ACCSL: variants seen among roughly 807,000 people sequenced by gnomAD.
The protein encoded by ACCSL is probable inactive 1-aminocyclopropane-1-carboxylate synthase-like protein 2.
A neutral mutation model predicts 61.7 loss-of-function variants in ACCSL; 55 were observed. The observed-to-expected ratio is 0.89, with a 90% CI of 0.72 to 1.12. ACCSL has a LOEUF of 1.12. Ranked by LOEUF, ACCSL falls within the 50% of genes most tolerant of loss-of-function variation. ACCSL has a pLI of 0.00. For synonymous variants in ACCSL, 258 were observed against 264.3 expected, an observed-to-expected ratio of 0.98 and a Z score of 0.23; for missense variants, 632 against 698.0, an observed-to-expected ratio of 0.91 and a Z score of 1.07.
the ACCSL span, among the ~76,000 whole-genome samples, chr11:44,007,988 G>C: frequency 6.6e-6 from 1 of 152,076 alleles, no homozygotes; most frequent in East Asian, 1.9e-4. Context: ...GAGGGTTCTT[G>C]CTTTAGACAG....
the ACCSL span, chr11:43,943,963 G>A: frequency 3.9e-5 from 34 of 874,020 alleles, no homozygotes; most frequent in Non-Finnish European, 4.9e-5. The surrounding 1 kb of genome is among the most constrained non-coding windows in gnomAD (Gnocchi z 4.8). Context: ...AGGTGGCAGG[G>A]GGATGTCGGA....
chr11:43,923,492 A>G, the ACCSL span, among the ~76,000 whole-genome samples: 1 of 152,192 alleles, frequency 6.6e-6, no homozygotes, highest in Admixed American at 6.5e-5. Context: ...CCTGGTCTAC[A>G]ACTGCCCTCT....
At chr11:44,057,444 C>T (rs1952678277) in intron 11 of ACCSL, among the ~76,000 whole-genome samples, 2 of 152,172 alleles carry the variant, frequency 1.3e-5, no homozygotes, top group African/African-American at 4.8e-5. Flanking sequence ...GATCCCAGCC[C>T]CTTGAACGCT....
chr11:43,947,390 C>A, the ACCSL span, among the ~76,000 whole-genome samples: 1 of 152,332 alleles, frequency 6.6e-6, no homozygotes, highest in East Asian at 1.9e-4. Context: ...TCCTACCAGG[C>A]CCCTATGCAA....
chr11:44,058,355 C>A lies in ACCSL; in HGVS notation c.1366C>A (p.Arg456=), dbSNP rs180771966. 2 of 1,614,066 alleles carry A rather than the reference C, an allele frequency of 1.2e-6. No individual in the cohort carries two copies. The highest frequency in any genetic ancestry group is 8.5e-7 in the Non-Finnish European group (1 of 1,180,024). The change falls in exon 12 of 14, where the codon CGG becomes AGG. Residue 456 remains arginine, a synonymous_variant. Transcript: ENST00000378832. The stretch of plus-strand genomic sequence containing the variant: ...AGTATACCTACCCACCAATTGCTAC[C>A]GGCTCCGGGAAGCTCACAAGTACAT... ...DKVYLPTNCY[R]LREAHKYITA...
At chr11:44,003,263 A>AT in the ACCSL span, among the ~76,000 whole-genome samples, 1 of 152,190 alleles carries the variant, frequency 6.6e-6, no homozygotes, top group Non-Finnish European at 1.5e-5. Context: ...CCACTGCCAG[A>AT]TTCTTCTCTC....
the ACCSL span, among the ~76,000 whole-genome samples, chr11:43,994,411 G>A: frequency 1.2e-4 from 19 of 152,212 alleles, no homozygotes; most frequent in Admixed American, 1.2e-3. Context: ...CAGGGTGTCA[G>A]TGTGGCCATA....
the ACCSL span, among the ~76,000 whole-genome samples, chr11:44,012,573 C>T: frequency 6.6e-6 from 1 of 152,300 alleles, no homozygotes; most frequent in East Asian, 1.9e-4. Flanking sequence ...AGGTGTGAGC[C>T]ACTGTACCCA....
the ACCSL span, among the ~76,000 whole-genome samples, chr11:43,939,517 C>G: frequency 1.3e-5 from 2 of 152,010 alleles, no homozygotes; most frequent in East Asian, 3.9e-4. Context: ...CCACAACGGC[C>G]CCCCCTCCCC....
At position 44,059,917 on chromosome 11, in the gene ACCSL, G is replaced by A. The variant is rs777075023; in HGVS notation, c.1704G>A (p.Glu568=). 9.9e-6 allele frequency: 16 copies of A among 1,613,612 alleles called. No individual in the cohort carries two copies. Among genetic ancestry groups the A allele is most frequent in the African/African-American group, 1.3e-5 (1 of 75,062 alleles). Residue 568 remains glutamate (E), a synonymous_variant, in exon 14 of 14, where the codon GAG becomes GAA. Coordinates refer to ENST00000378832, the MANE Select transcript of ACCSL (RefSeq NM_001031854.2). Reference sequence around the variant, plus strand: ...AGCAGTTGGAGGATGCAATGAGGGAGTAGGCCGTCTGCCTCCCAACCAGCA... The same window carrying A: ...AGCAGTTGGAGGATGCAATGAGGGAATAGGCCGTCTGCCTCCCAACCAGCA... ...IVKQLEDAMR[E]
At chr11:43,982,475 G>A in the ACCSL span, among the ~76,000 whole-genome samples, 1 of 151,854 alleles carries the variant, frequency 6.6e-6, no homozygotes, top group Non-Finnish European at 1.5e-5. Context: ...TGATCAGCCC[G>A]CCTCGGCCTC....
the ACCSL span, among the ~76,000 whole-genome samples, chr11:43,984,464 C>T: frequency 2.6e-5 from 4 of 152,162 alleles, no homozygotes; most frequent in Non-Finnish European, 5.9e-5. Flanking sequence ...GGGATCACAC[C>T]TCCTCTGGGT....
the ACCSL span, among the ~76,000 whole-genome samples, chr11:43,985,026 G>A: frequency 6.6e-6 from 1 of 152,186 alleles, no homozygotes; most frequent in Non-Finnish European, 1.5e-5. Flanking sequence ...AGGGACCTTC[G>A]AGTTGGAGGG....
upstream of ACCSL, among the ~76,000 whole-genome samples, chr11:44,043,326 T>C (rs931742087): frequency 6.6e-6 from 1 of 152,104 alleles, no homozygotes; most frequent in Non-Finnish European, 1.5e-5. Flanking sequence ...GTCTGAGGAA[T>C]TGGTATTGCC....
the ACCSL span, among the ~76,000 whole-genome samples, chr11:43,934,488 GCGCA>G: frequency 1.3e-5 from 2 of 152,026 alleles, no homozygotes; most frequent in Admixed American, 6.5e-5. Flanking sequence ...GCACACACAT[GCGCA>G]CACACACACG....
the ACCSL span, among the ~76,000 whole-genome samples, chr11:44,019,480 A>G: frequency 1.3e-5 from 2 of 152,304 alleles, no homozygotes; most frequent in South Asian, 2.1e-4. Context: ...TAGTGAGTAT[A>G]AAGTAGTATC....
At chr11:43,972,037 A>G in the ACCSL span, among the ~76,000 whole-genome samples, 1 of 152,192 alleles carries the variant, frequency 6.6e-6, no homozygotes, top group African/African-American at 2.4e-5. Context: ...CAGCATGTCT[A>G]CTTTTGTCAT....
At chr11:44,051,041 C>T (rs1169661131) in intron 3 of ACCSL, among the ~76,000 whole-genome samples, 3 of 152,104 alleles carry the variant, frequency 2.0e-5, no homozygotes, top group African/African-American at 4.8e-5. Context: ...CGGGGTTTCA[C>T]CATGTTTGCC....
At chr11:43,951,386 T>C in the ACCSL span, among the ~76,000 whole-genome samples, 2,139 of 152,204 alleles carry the variant, frequency 0.014, 29 homozygotes, top group East Asian at 0.047. Flanking sequence ...CAATCTATTG[T>C]TTTAGAATAG....
Sources: gnomAD v4.1 joint callset for allele counts (sites outside exome capture counted in the v4.1 genomes callset) on GRCh38, gnomAD v4.1.1 for gene constraint, Gnocchi (gnomAD v3.1) non-coding constraint, MANE v1.5 for transcripts, NCBI Gene and HGNC (gene_info 2026-07-23, HGNC 2026-07-21) for gene names.